The following RBPMS variants were observed in gnomAD, a reference collection of about 807,000 sequenced individuals.
RBPMS encodes the protein RNA-binding protein with multiple splicing.
Under a neutral mutation model 26.8 loss-of-function variants are expected in RBPMS, and 7 were observed. That is an observed-to-expected ratio of 0.26 (90% confidence interval 0.15 to 0.49). The LOEUF (loss-of-function observed/expected upper bound fraction) is 0.49, where lower values mean the gene tolerates loss of function less well. RBPMS is among the 20% of genes least tolerant of loss of function. The pLI, the probability that RBPMS is intolerant of heterozygous loss-of-function variation, is 0.98. For synonymous variants in RBPMS, 96 were observed against 93.3 expected (o/e 1.03, Z -0.17); for missense variants, 186 against 250.0 (o/e 0.74, Z 1.73).
chr8:30,501,324 T>C (rs1281178540), intron 4 of RBPMS, among the ~76,000 whole-genome samples: 2 of 123,398 alleles, frequency 1.6e-5, no homozygotes, highest in African/African-American at 3.1e-5. Context: ...TGCTGAGCCC[T>C]TTCCTGAACT....
At chr8:30,433,166 A>C (rs2150676259) in intron 1 of RBPMS, among the ~76,000 whole-genome samples, 1 of 152,348 alleles carries the variant, frequency 6.6e-6, no homozygotes, top group South Asian at 2.1e-4. Flanking sequence ...GGCTGACCCA[A>C]ACGTGAACTT....
rs200210155 is a variant in RBPMS, at chr8:30,477,995, CT to C, written c.183+160del. ...TATTAGGAATTAGCACAGGAAAATA[CT>C]TCATAATTCTATAATCTTCAGCTGG... On this transcript the variant is annotated intron_variant, in intron 3 of 8. Coordinates refer to ENST00000397323, the MANE Select transcript of RBPMS (RefSeq NM_001008710.3). Among the ~76,000 whole-genome samples the C allele has an allele frequency of 4.6e-5, 7 of 152,228 alleles. No individual in the cohort carries two copies. In the East Asian group the frequency reaches 1.3e-3, roughly 29 times the overall value.
At chr8:30,542,133 C>T (rs1463008254) in intron 5 of RBPMS, among the ~76,000 whole-genome samples, 1 of 152,216 alleles carries the variant, frequency 6.6e-6, no homozygotes, top group African/African-American at 2.4e-5. Flanking sequence ...TTTTAGGCTT[C>T]TGCCTCACTA....
chr8:30,476,729 G>A (rs776838418), intron 2 of RBPMS, among the ~76,000 whole-genome samples: 9 of 152,166 alleles, frequency 5.9e-5, no homozygotes, highest in Non-Finnish European at 1.0e-4. Flanking sequence ...GGTCAATCAC[G>A]TCAAGTGGTG....
At chr8:30,520,309 C>T (rs1822890611) in intron 5 of RBPMS, among the ~76,000 whole-genome samples, 1 of 152,106 alleles carries the variant, frequency 6.6e-6, no homozygotes, top group Admixed American at 6.5e-5. Flanking sequence ...CTGGTAATCT[C>T]CATTGGTGAT....
chr8:30,412,733 C>G (rs1563294302), intron 1 of RBPMS, among the ~76,000 whole-genome samples: 1 of 152,064 alleles, frequency 6.6e-6, no homozygotes, highest in African/African-American at 2.4e-5. Context: ...TCCAATAGTA[C>G]TTCATTTTTT....
intron 5 of RBPMS, among the ~76,000 whole-genome samples, chr8:30,540,397 A>C (rs1024661754): frequency 6.6e-6 from 1 of 152,098 alleles, no homozygotes; most frequent in African/African-American, 2.4e-5. Flanking sequence ...AGCAAGAGGA[A>C]GTCATAGAAG....
intron 7 of RBPMS, chr8:30,565,544 A>G (rs1311790248): frequency 6.6e-6 from 1 of 150,722 alleles, no homozygotes; most frequent in African/African-American, 2.4e-5. Flanking sequence ...TGCTGTAACC[A>G]GCCGGCTCAG....
At chr8:30,478,446 CCAAAGGGATTATGGCCTTTCTGTA>C (rs1817923406) in intron 3 of RBPMS, among the ~76,000 whole-genome samples, 1 of 151,890 alleles carries the variant, frequency 6.6e-6, no homozygotes, top group African/African-American at 2.4e-5. Flanking sequence ...GATAGGGAGT[CCAAAGGGATTATGGCCTTTCTGTA>C]TTTACTCAGA....
At chr8:30,558,165 T>A (rs1287866386) in intron 6 of RBPMS, 1 of 152,442 alleles carries the variant, frequency 6.6e-6, no homozygotes, top group Non-Finnish European at 1.5e-5. Context: ...CACCCATTTT[T>A]TTTTTTCATG....
intron 6 of RBPMS, among the ~76,000 whole-genome samples, chr8:30,554,631 G>C (rs566328597): frequency 1.6e-4 from 25 of 152,230 alleles, no homozygotes; most frequent in African/African-American, 5.5e-4. Flanking sequence ...TGATCACCTG[G>C]GGGGCTGGTT....
chr8:30,557,768 G>C (rs1008650184), intron 6 of RBPMS, among the ~76,000 whole-genome samples: 21 of 152,372 alleles, frequency 1.4e-4, no homozygotes, highest in African/African-American at 4.8e-4. Context: ...GTGAAAGGAA[G>C]AGCAGTGGGA....
intron 6 of RBPMS, chr8:30,553,603 C>T (rs73572155): frequency 6.6e-6 from 1 of 152,364 alleles, no homozygotes; most frequent in African/African-American, 2.4e-5. Flanking sequence ...GAGTGGTTCC[C>T]TGCAGTTGCT....
At chr8:30,483,812 C>T (rs542795083) in intron 4 of RBPMS, among the ~76,000 whole-genome samples, 1 of 152,134 alleles carries the variant, frequency 6.6e-6, no homozygotes, top group South Asian at 2.1e-4. Flanking sequence ...TGCTTGCTTT[C>T]TCCGTGAATT....
intron 1 of RBPMS, among the ~76,000 whole-genome samples, chr8:30,443,188 T>C (rs1233918638): frequency 1.3e-5 from 2 of 152,134 alleles, no homozygotes; most frequent in Non-Finnish European, 2.9e-5. Context: ...TTTTGTAAAA[T>C]ATTGGAATCC....
At chr8:30,435,866 T>C (rs1189314706) in intron 1 of RBPMS, among the ~76,000 whole-genome samples, 1 of 152,212 alleles carries the variant, frequency 6.6e-6, no homozygotes, top group African/African-American at 2.4e-5. Flanking sequence ...AGTGCAGTGG[T>C]GTGATCATAG....
chr8:30,515,906 C>T (rs1001643754), intron 5 of RBPMS, among the ~76,000 whole-genome samples: 1 of 152,150 alleles, frequency 6.6e-6, no homozygotes, highest in Admixed American at 6.5e-5. Flanking sequence ...ACCTCAGCCT[C>T]CCAAAGTATT....
At chr8:30,546,647 A>T (rs1165639149) in intron 6 of RBPMS, among the ~76,000 whole-genome samples, 1 of 152,228 alleles carries the variant, frequency 6.6e-6, no homozygotes, top group African/African-American at 2.4e-5. Context: ...TAGCTCTGCC[A>T]CATCGGTCCC....
rs375803945 is a variant in RBPMS at position 30,490,236 on chromosome 8, A to T, written c.246+10859A>T. Among the ~76,000 whole-genome samples the T allele has an allele frequency of 4.6e-5, 7 of 152,358 alleles. No homozygotes were observed. In the East Asian group the frequency reaches 1.3e-3, roughly 29 times the overall value. ...CATCCTTCCTTTCTTGGAGCTCATC[A>T]GGGAAACACAGTTGCAATGTTATCC... is the stretch of plus-strand genomic sequence containing the variant. On this transcript the variant is annotated intron_variant, in intron 4 of 8. Transcript: ENST00000397323.
Sources: gnomAD v4.1 joint callset for allele counts (sites outside exome capture counted in the v4.1 genomes callset) on GRCh38, gnomAD v4.1.1 for gene constraint, MANE v1.5 for transcripts, NCBI Gene and HGNC (gene_info 2026-07-23, HGNC 2026-07-21) for gene names.